STK32B: variants seen among roughly 807,000 people sequenced by gnomAD.
STK32B encodes serine/threonine-protein kinase 32B.
A neutral mutation model predicts 52.6 loss-of-function variants in STK32B; 43 were observed. The ratio of observed to expected loss-of-function variants is 0.82; its 90% CI spans 0.64 to 1.05. STK32B has a LOEUF of 1.05. STK32B is among the 50% of genes least tolerant of loss of function. STK32B has a pLI of 0.00. For synonymous variants in STK32B, 238 were observed against 204.3 expected (o/e 1.17, Z -1.41); for missense variants, 621 against 534.6 (o/e 1.16, Z -1.59).
intron 2 of STK32B, among the ~76,000 whole-genome samples, chr4:5,147,292 C>T (rs186415858): frequency 1.4e-4 from 22 of 151,994 alleles, no homozygotes; most frequent in Non-Finnish European, 2.2e-4. Context: ...AATCTCACAC[C>T]CTGAGACCTT....
chr4:5,373,111 T>A lies in STK32B; in HGVS notation c.435-25096T>A, dbSNP rs556847087. 1.7e-3 allele frequency among the ~76,000 whole-genome samples: 260 copies of A among 152,296 alleles called. 1 individual carries two copies. The highest frequency in any genetic ancestry group is 5.1e-3 in the African/African-American group (213 of 41,556). The stretch of plus-strand genomic sequence containing the variant: ...AAAGCTTTGAAACTGTGATTTGGCC[T>A]CAAGTGGGACTCAAACAGAAAACAG... On this transcript the variant is annotated intron_variant, in intron 4 of 11. Coordinates refer to ENST00000282908, the MANE Select transcript of STK32B (RefSeq NM_018401.3).
intron 1 of STK32B, among the ~76,000 whole-genome samples, chr4:5,053,815 C>CTAGTTTTG (rs1741884206): frequency 6.6e-6 from 1 of 151,386 alleles, no homozygotes. Flanking sequence ...CCCGACTCTA[C>CTAGTTTTG]TAAAAATACA....
chr4:5,465,124 G>A (rs369717874), intron 9 of STK32B, among the ~76,000 whole-genome samples: 12 of 152,272 alleles, frequency 7.9e-5, no homozygotes, highest in East Asian at 1.9e-4. Flanking sequence ...CCAGCCTCTA[G>A]GACTGAGAAA....
chr4:5,316,044 C>A (rs950196688), intron 3 of STK32B, among the ~76,000 whole-genome samples: 1 of 138,900 alleles, frequency 7.2e-6, no homozygotes. Context: ...ATTAATAAGG[C>A]AAAATGTAAT....
chr4:5,334,241 T>C (rs916748056), intron 4 of STK32B, among the ~76,000 whole-genome samples: 1 of 152,018 alleles, frequency 6.6e-6, no homozygotes, highest in African/African-American at 2.4e-5. Context: ...TTGAAGCAAT[T>C]GTGAATGGGA....
chr4:5,077,158 T>G (rs555738343), intron 1 of STK32B, among the ~76,000 whole-genome samples: 7 of 152,322 alleles, frequency 4.6e-5, no homozygotes, highest in African/African-American at 1.7e-4. Flanking sequence ...TGTGTGGCAC[T>G]CCTTCCTTTT....
intron 11 of STK32B, among the ~76,000 whole-genome samples, chr4:5,468,297 T>G (rs1228688571): frequency 3.9e-5 from 6 of 152,052 alleles, no homozygotes. Flanking sequence ...CTCTGGGAGC[T>G]CCCATGAGAA....
chr4:5,234,190 TG>T (rs951382121), intron 3 of STK32B, among the ~76,000 whole-genome samples: 2 of 152,150 alleles, frequency 1.3e-5, no homozygotes, highest in African/African-American at 4.8e-5. Context: ...GTAGTACAAG[TG>T]GCCGCTCTTT....
rs1378125832 is a variant in STK32B at position 5,051,495 on chromosome 4, C to G, written c.-369C>G. 3.4e-6 allele frequency: 1 copy of G among 290,852 alleles called. No homozygotes were observed. The highest frequency in any genetic ancestry group is 7.4e-5 in the South Asian group (1 of 13,546). The allele number at this position is 290,852 out of a possible 1,614,324, so 18.0% of individuals were successfully genotyped here. A position where few individuals can be genotyped will look rare whatever the true frequency, so the allele number is the denominator to read the frequency against. On this transcript the variant is annotated 5_prime_UTR_variant, in exon 1 of 12. Transcript: ENST00000282908. ...TCCCCCGCTCCTTCCCCTCCTTCCCCTGCTCCCGCGCCGCCTCGCGTCTCC... is the reference window on the plus strand; with the variant it reads ...TCCCCCGCTCCTTCCCCTCCTTCCCGTGCTCCCGCGCCGCCTCGCGTCTCC...
intron 1 of STK32B, among the ~76,000 whole-genome samples, chr4:5,103,959 A>G (rs927148889): frequency 2.0e-5 from 3 of 152,072 alleles, no homozygotes; most frequent in African/African-American, 7.2e-5. Context: ...TTTTTTTCTA[A>G]TAGGTTGAAT....
chr4:5,467,911 C>T lies in STK32B; in HGVS notation c.1042-95C>T. On this transcript the variant is annotated intron_variant, in intron 10 of 11. Transcript: ENST00000282908. The surrounding 1 kb of genome is among the most constrained non-coding windows in gnomAD (Gnocchi z 5.8). ...TCCCGGTCCCAAGCATCTGAGGTTTCCATCTAGGTCAGTCTGCCGTCCTGT... is the reference window on the plus strand; with the variant it reads ...TCCCGGTCCCAAGCATCTGAGGTTTTCATCTAGGTCAGTCTGCCGTCCTGT... 7.2e-7 allele frequency: 1 copy of T among 1,395,536 alleles called. No individual in the cohort carries two copies. The highest frequency in any genetic ancestry group is 1.0e-6 in the Non-Finnish European group (1 of 988,478). 86.4% of individuals were successfully genotyped at this position (1,395,536 alleles called of 1,614,324 possible).
In STK32B at chr4:5,173,650, T is replaced by A. The variant is rs976998240; in HGVS notation, c.260+5200T>A. Among the ~76,000 whole-genome samples the A allele has an allele frequency of 3.9e-5, 6 of 152,366 alleles. No individual in the cohort carries two copies. In the East Asian group the frequency reaches 7.7e-4, roughly 20 times the overall value. On this transcript the variant is annotated intron_variant, in intron 3 of 11. Transcript: ENST00000282908. ...TCTTAATCCTGAGTTCTAGTTTGAT[T>A]GCACTGTGGTCTGAGAGACAGTTTG...
chr4:5,471,608 A>G (rs1478891176), intron 11 of STK32B, among the ~76,000 whole-genome samples: 2 of 152,122 alleles, frequency 1.3e-5, no homozygotes, highest in Non-Finnish European at 2.9e-5. Context: ...CCACCCAGAG[A>G]AACTAATACA....
intron 3 of STK32B, among the ~76,000 whole-genome samples, chr4:5,212,090 T>C (rs1722940871): frequency 6.6e-6 from 1 of 152,248 alleles, no homozygotes; most frequent in Admixed American, 6.5e-5. Context: ...ACACAGGCGA[T>C]TTTATTTAAT....
rs397878571 is a variant in STK32B at position 5,074,209 on chromosome 4, T to TGTGTGTGTGTGTGTGTGC, written c.52+22295_52+22296insTGTGTGTGTGTGTGTGCG. Among the ~76,000 whole-genome samples the TGTGTGTGTGTGTGTGTGC allele has an allele frequency of 2.6e-3, 382 of 144,300 alleles. 2 individuals are homozygous for TGTGTGTGTGTGTGTGTGC. The highest frequency in any genetic ancestry group is 9.5e-3 in the African/African-American group (375 of 39,560). 94.7% of individuals were successfully genotyped at this position (144,300 alleles called of 152,430 possible). On this transcript the variant is annotated intron_variant, in intron 1 of 11. Coordinates refer to ENST00000282908, the MANE Select transcript of STK32B (RefSeq NM_018401.3). Reference sequence around the variant, plus strand: ...ATATATGTGTGTGTGTGTGTGTGTGTGCGCGTGCGTGAAATATATTTCCTT... The same window carrying TGTGTGTGTGTGTGTGTGC: ...ATATATGTGTGTGTGTGTGTGTGTGTGTGTGTGTGTGTGTGTGCGCGCGTGCGTGAAATATATTTCCTT...
upstream of STK32B, among the ~76,000 whole-genome samples, chr4:5,051,238 T>A (rs1741760049): frequency 6.6e-6 from 1 of 152,104 alleles, no homozygotes; most frequent in African/African-American, 2.4e-5. Flanking sequence ...ATATGAACGA[T>A]GCTTTCTTAC....
chr4:5,270,386 G>T (rs1727345024), intron 3 of STK32B, among the ~76,000 whole-genome samples: 1 of 152,098 alleles, frequency 6.6e-6, no homozygotes, highest in African/African-American at 2.4e-5. Context: ...ATGTTCTTCT[G>T]CCTGCTTTTA....
rs555166777 is a variant in STK32B, at chr4:5,190,890, G to A, written c.260+22440G>A. 1.3e-3 allele frequency among the ~76,000 whole-genome samples: 202 copies of A among 152,220 alleles called. 1 individual carries two copies. The highest frequency in any genetic ancestry group is 2.3e-3 in the Non-Finnish European group (159 of 68,018). The stretch of plus-strand genomic sequence containing the variant: ...CAGAGAAGCTAAGTGATTGTCCAGG[G>A]CCACATAGTTTGCAGGAAGCGGGCC... On this transcript the variant is annotated intron_variant, in intron 3 of 11. Coordinates refer to ENST00000282908, the MANE Select transcript of STK32B (RefSeq NM_018401.3).
chr4:5,181,201 C>G (rs539573463), intron 3 of STK32B, among the ~76,000 whole-genome samples: 1 of 152,216 alleles, frequency 6.6e-6, no homozygotes, highest in Admixed American at 6.5e-5. Flanking sequence ...GAAACCCTAG[C>G]CCCCAATGTC....
Sources: allele counts gnomAD v4.1 joint callset (sites outside exome capture counted in the v4.1 genomes callset), GRCh38; gene constraint gnomAD v4.1.1; non-coding constraint Gnocchi (gnomAD v3.1); transcripts MANE v1.5; gene names NCBI Gene and HGNC (gene_info 2026-07-23, HGNC 2026-07-21).